ERBB4: variants seen among roughly 807,000 people sequenced by gnomAD.
ERBB4 encodes erb-b2 receptor tyrosine kinase 4.
ERBB4 carries 42 observed loss-of-function variants against 158.0 expected under a neutral mutation model. That is an observed-to-expected ratio of 0.27 (90% CI 0.21 to 0.34). The LOEUF (loss-of-function observed/expected upper bound fraction) is 0.34, where lower values mean the gene tolerates loss of function less well. Among genes scored for constraint, ERBB4 ranks in the 10% least tolerant of loss-of-function variants. The pLI is 1.00. For missense variants in ERBB4, 1,333 were observed against 1,624.1 expected, an observed-to-expected ratio of 0.82 and a Z score of 3.08; for synonymous variants, 583 against 558.7, an observed-to-expected ratio of 1.04 and a Z score of -0.61.
At chr2:212,006,592 T>A (rs1408926310) in intron 2 of ERBB4, among the ~76,000 whole-genome samples, 2 of 151,810 alleles carry the variant, frequency 1.3e-5, no homozygotes, top group Non-Finnish European at 2.9e-5. Context: ...CCTGAATTTT[T>A]AATTCTAAAA....
At chr2:211,874,677 A>G (rs1371685527) in intron 3 of ERBB4, among the ~76,000 whole-genome samples, 1 of 152,068 alleles carries the variant, frequency 6.6e-6, no homozygotes, top group African/African-American at 2.4e-5. Context: ...TTGTGAGTGT[A>G]AACTTGACTC....
rs750942091 is a variant in ERBB4 at position 211,619,169 on chromosome 2, G to A, written c.2301+8C>T. 1 of 1,531,494 alleles carries A rather than the reference G, an allele frequency of 6.5e-7. No individual in the cohort carries two copies. Among genetic ancestry groups the A allele is most frequent in the South Asian group, 1.1e-5 (1 of 89,386 alleles). 94.9% of individuals were successfully genotyped at this position (1,531,494 alleles called of 1,614,324 possible). On this transcript the variant is annotated splice_region_variant and intron_variant, in intron 19 of 27. Coordinates refer to ENST00000342788, the MANE Select transcript of ERBB4 (RefSeq NM_005235.3). ...GAAAAATGTGATTGCCTGGGTGTCT[G>A]TACTTACATCCATGAACTCCACATT...
intron 3 of ERBB4, among the ~76,000 whole-genome samples, chr2:211,809,188 G>T (rs978064364): frequency 5.9e-5 from 9 of 152,036 alleles, no homozygotes; most frequent in African/African-American, 1.9e-4. Context: ...GTGAGAGAGG[G>T]CATCCCTCTC....
Position 211,661,900 on chromosome 2 carries a change from G to GTAGT in ERBB4, c.1871+3419_1871+3422dup, listed in dbSNP as rs548874199. The stretch of plus-strand genomic sequence containing the variant: ...TAAAAATACAAAAAATTAGCCGGGC[G>GTAGT]TAGTGGCGGGCGCCTGTAGTCCCAG... On this transcript the variant is annotated intron_variant, in intron 15 of 27. Coordinates refer to ENST00000342788, the MANE Select transcript of ERBB4 (RefSeq NM_005235.3). 1.4e-4 allele frequency among the ~76,000 whole-genome samples: 21 copies of GTAGT among 148,684 alleles called. No individual in the cohort carries two copies. In the South Asian group the frequency reaches 4.5e-3, roughly 32 times the overall value.
intron 2 of ERBB4, among the ~76,000 whole-genome samples, chr2:211,999,923 G>C (rs1014336295): frequency 1.3e-5 from 2 of 151,652 alleles, no homozygotes; most frequent in Non-Finnish European, 3.0e-5. Flanking sequence ...TTTTAGACCA[G>C]TGGTTATTAT....
intron 16 of ERBB4, among the ~76,000 whole-genome samples, chr2:211,653,506 G>T (rs1023197444): frequency 7.8e-6 from 1 of 127,718 alleles, no homozygotes; most frequent in Admixed American, 1.0e-4. Flanking sequence ...CCGCTGGTTT[G>T]GGAAACAGAA....
intron 3 of ERBB4, among the ~76,000 whole-genome samples, chr2:211,837,861 T>A (rs551148429): frequency 6.6e-6 from 1 of 152,188 alleles, no homozygotes; most frequent in African/African-American, 2.4e-5. Flanking sequence ...GGTGAGACAA[T>A]GCAGTTATAG....
chr2:212,181,650 T>G (rs1331564864), intron 1 of ERBB4, among the ~76,000 whole-genome samples: 1 of 151,768 alleles, frequency 6.6e-6, no homozygotes, highest in Non-Finnish European at 1.5e-5. Context: ...GACAATTATG[T>G]CATATAAAAA....
chr2:211,999,798 C>T (rs563375121), intron 2 of ERBB4, among the ~76,000 whole-genome samples: 2 of 151,714 alleles, frequency 1.3e-5, no homozygotes, highest in African/African-American at 4.8e-5. Context: ...AGGTTTAAAA[C>T]CATCTTACCT....
intron 20 of ERBB4, among the ~76,000 whole-genome samples, chr2:211,442,963 A>G (rs2064021737): frequency 6.6e-6 from 1 of 151,866 alleles, no homozygotes; most frequent in Non-Finnish European, 1.5e-5. Flanking sequence ...TCCTGTGGAG[A>G]TGACATAACT....
At chr2:212,025,251 C>T (rs2076747011) in intron 2 of ERBB4, among the ~76,000 whole-genome samples, 1 of 151,730 alleles carries the variant, frequency 6.6e-6, no homozygotes, top group Non-Finnish European at 1.5e-5. Flanking sequence ...ATACCATACC[C>T]ATTATGAGAA....
chr2:212,116,517 A>T (rs1239347749), intron 2 of ERBB4, among the ~76,000 whole-genome samples: 1 of 152,164 alleles, frequency 6.6e-6, no homozygotes, highest in Non-Finnish European at 1.5e-5. Context: ...GCACAATCAT[A>T]GTTCTCTGCA....
At chr2:212,031,272 C>A (rs541325159) in intron 2 of ERBB4, among the ~76,000 whole-genome samples, 12 of 152,130 alleles carry the variant, frequency 7.9e-5, no homozygotes, top group African/African-American at 2.6e-4. Flanking sequence ...AATCTTTTGA[C>A]CAGTCATTCA....
chr2:211,960,189 A>G lies in ERBB4; in HGVS notation c.235-12573T>C, dbSNP rs2081143435. Among the ~76,000 whole-genome samples the G allele has an allele frequency of 2.0e-5, 3 of 152,132 alleles. 1 individual carries two copies. The highest frequency in any genetic ancestry group is 2.0e-4 in the Admixed American group (3 of 15,238). ...TCATATTCTAGGTATGGGACAAGAA[A>G]TAGATAAGATGAGCCTGAAACATCT... On this transcript the variant is annotated intron_variant, in intron 2 of 27. Coordinates refer to ENST00000342788, the MANE Select transcript of ERBB4 (RefSeq NM_005235.3).
intron 5 of ERBB4, among the ~76,000 whole-genome samples, chr2:211,733,678 CAAA>C (rs34092994): frequency 6.7e-6 from 1 of 148,322 alleles, no homozygotes; most frequent in Admixed American, 6.7e-5. Context: ...AAACAAAAAC[CAAA>C]AAAAAAAAAT....
At chr2:212,252,767 A>G (rs919711617) in intron 1 of ERBB4, among the ~76,000 whole-genome samples, 5 of 152,088 alleles carry the variant, frequency 3.3e-5, no homozygotes, top group Non-Finnish European at 7.4e-5. Flanking sequence ...AAGAGAGAAG[A>G]TAGCATATAG....
intron 2 of ERBB4, among the ~76,000 whole-genome samples, chr2:212,041,836 A>G (rs1274271872): frequency 2.6e-5 from 4 of 152,104 alleles, no homozygotes; most frequent in African/African-American, 9.6e-5. Context: ...CCGATGAAGC[A>G]TTATAATTAC....
intron 1 of ERBB4, among the ~76,000 whole-genome samples, chr2:212,529,266 G>T (rs538978671): frequency 6.6e-6 from 1 of 152,140 alleles, no homozygotes; most frequent in Non-Finnish European, 1.5e-5. Context: ...CAAAATAATA[G>T]CCATTAACAT....
chr2:212,369,103 C>G (rs1036139756), intron 1 of ERBB4, among the ~76,000 whole-genome samples: 2 of 152,028 alleles, frequency 1.3e-5, no homozygotes. Flanking sequence ...TAAATGTGGT[C>G]TATTACATTT....
Sources: gnomAD v4.1 joint callset for allele counts (sites outside exome capture counted in the v4.1 genomes callset) on GRCh38, gnomAD v4.1.1 for gene constraint, MANE v1.5 for transcripts, NCBI Gene and HGNC (gene_info 2026-07-23, HGNC 2026-07-21) for gene names.